Variants in UNC5D observed in about 807,000 individuals in gnomAD.
The protein encoded by UNC5D is netrin receptor UNC5D.
UNC5D carries 39 observed loss-of-function variants against 105.4 expected under a neutral mutation model. The observed-to-expected ratio is 0.37, with a 90% CI of 0.29 to 0.48. UNC5D has a LOEUF of 0.48. UNC5D is among the 20% of genes least tolerant of loss of function. The pLI is 0.98. For synonymous variants in UNC5D, 452 were observed against 450.4 expected (o/e 1.00, Z -0.04); for missense variants, 991 against 1,202.4 (o/e 0.82, Z 2.60).
chr8:35,360,265 T>A (rs1246397647), intron 1 of UNC5D, among the ~76,000 whole-genome samples: 2 of 152,184 alleles, frequency 1.3e-5, no homozygotes, highest in Non-Finnish European at 2.9e-5. Context: ...TCCTTTTACA[T>A]ACAAATGTGA....
chr8:35,651,132 G>A (rs1283702434), intron 4 of UNC5D, among the ~76,000 whole-genome samples: 4 of 152,140 alleles, frequency 2.6e-5, no homozygotes. Context: ...AATAAAGACA[G>A]GCAATATTTA....
At chr8:35,735,893 G>A (rs758589531) in intron 11 of UNC5D, among the ~76,000 whole-genome samples, 2 of 152,156 alleles carry the variant, frequency 1.3e-5, no homozygotes, top group African/African-American at 2.4e-5. Flanking sequence ...ATCTCCAAAA[G>A]AGTAAAAAGA....
At chr8:35,236,001 G>T (rs1197138281) in intron 1 of UNC5D, 114 bp downstream of exon 1, 2 of 954,800 alleles carry the variant, frequency 2.1e-6, no homozygotes, top group East Asian at 3.4e-5. Flanking sequence ...GCACCTCGGC[G>T]CTCCAAGCCC....
chr8:35,242,809 A>G (rs77264449), intron 1 of UNC5D, among the ~76,000 whole-genome samples: 1 of 152,154 alleles, frequency 6.6e-6, no homozygotes, highest in Non-Finnish European at 1.5e-5. Flanking sequence ...TTTACTCAAT[A>G]TTGGAGAAGA....
At chr8:35,738,141 A>G (rs1829570100) in intron 11 of UNC5D, among the ~76,000 whole-genome samples, 1 of 152,124 alleles carries the variant, frequency 6.6e-6, no homozygotes, top group Non-Finnish European at 1.5e-5. Context: ...CTCAGAAATG[A>G]CATAGCATGG....
intron 1 of UNC5D, 24 bp downstream of exon 1, chr8:35,235,911 G>T (rs1802423381): frequency 1.1e-5 from 13 of 1,226,646 alleles, no homozygotes; most frequent in Non-Finnish European, 1.3e-5. Context: ...GGAGCGGGCA[G>T]CTGGGGGCGA....
intron 1 of UNC5D, among the ~76,000 whole-genome samples, chr8:35,365,107 G>A (rs1431323542): frequency 6.6e-6 from 1 of 152,062 alleles, no homozygotes; most frequent in African/African-American, 2.4e-5. Context: ...TAGTTCTGAA[G>A]TCAGATATAC....
intron 1 of UNC5D, among the ~76,000 whole-genome samples, chr8:35,324,255 GTGA>G (rs949111068): frequency 1.4e-4 from 11 of 77,920 alleles, no homozygotes; most frequent in African/African-American, 3.3e-4. Flanking sequence ...AAAAAAAAAA[GTGA>G]TGAGTCATTG....
At chr8:35,685,186 CTT>C (rs768562640) in intron 6 of UNC5D, among the ~76,000 whole-genome samples, 3 of 152,160 alleles carry the variant, frequency 2.0e-5, no homozygotes, top group Non-Finnish European at 4.4e-5. Flanking sequence ...AATCAAATAA[CTT>C]TATCAGTTCT....
intron 1 of UNC5D, among the ~76,000 whole-genome samples, chr8:35,266,379 T>C (rs1804872852): frequency 6.6e-6 from 1 of 152,186 alleles, no homozygotes; most frequent in Non-Finnish European, 1.5e-5. Flanking sequence ...TTGAACCATA[T>C]ATAGTAAATA....
At chr8:35,687,448 A>G (rs1826090708) in intron 7 of UNC5D, among the ~76,000 whole-genome samples, 1 of 151,476 alleles carries the variant, frequency 6.6e-6, no homozygotes, top group South Asian at 2.1e-4. Context: ...TCTCAAAAAA[A>G]AAAAAAAAAA....
intron 11 of UNC5D, among the ~76,000 whole-genome samples, chr8:35,736,611 A>G (rs754215202): frequency 9.9e-5 from 15 of 152,218 alleles, no homozygotes; most frequent in Non-Finnish European, 2.2e-4. Context: ...GAATGATCAT[A>G]TTGCAGTGTG....
chr8:35,689,184 G>T (rs1826226484), intron 7 of UNC5D, among the ~76,000 whole-genome samples: 1 of 152,192 alleles, frequency 6.6e-6, no homozygotes, highest in Non-Finnish European at 1.5e-5. Context: ...AATCTTAATT[G>T]ACTAAGACTT....
chr8:35,351,672 T>G (rs1812248423), intron 1 of UNC5D, among the ~76,000 whole-genome samples: 1 of 152,092 alleles, frequency 6.6e-6, no homozygotes, highest in African/African-American at 2.4e-5. Context: ...AAAGAAATTT[T>G]CTAATTTCAC....
intron 2 of UNC5D, among the ~76,000 whole-genome samples, chr8:35,554,896 T>C (rs1816429068): frequency 6.6e-6 from 1 of 152,154 alleles, no homozygotes; most frequent in East Asian, 1.9e-4. Context: ...ATTTCCTTTT[T>C]AAACAACTGG....
chr8:35,235,893 C>A lies in UNC5D; in HGVS notation c.103+6C>A. The A allele has an allele frequency of 8.2e-7, 1 of 1,218,948 alleles. No individual in the cohort carries two copies. The highest frequency in any genetic ancestry group is 1.0e-6 in the Non-Finnish European group (1 of 983,152). 75.5% of individuals were successfully genotyped at this position (1,218,948 alleles called of 1,614,324 possible). On this transcript the variant is annotated splice_donor_region_variant and intron_variant, in intron 1 of 16. Coordinates refer to ENST00000404895, the MANE Select transcript of UNC5D (RefSeq NM_080872.4). Reference sequence around the variant, plus strand: ...AGGGACCGCGGCTGCCCGAGGTAAGCGCTGGGCGGAGCGGGCAGCTGGGGG... The same window carrying A: ...AGGGACCGCGGCTGCCCGAGGTAAGAGCTGGGCGGAGCGGGCAGCTGGGGG...
chr8:35,379,822 A>G (rs1189615916), intron 1 of UNC5D, among the ~76,000 whole-genome samples: 1 of 152,146 alleles, frequency 6.6e-6, no homozygotes, highest in Non-Finnish European at 1.5e-5. Context: ...CTTTCCTAGT[A>G]GCCTAAACAA....
chr8:35,347,493 G>A lies in UNC5D; in HGVS notation c.103+111606G>A, dbSNP rs1811889887. 3.3e-5 allele frequency among the ~76,000 whole-genome samples: 5 copies of A among 151,998 alleles called. No individual in the cohort carries two copies. In the South Asian group the frequency reaches 1.0e-3, roughly 32 times the overall value. On this transcript the variant is annotated intron_variant, in intron 1 of 16. Transcript: ENST00000404895. The stretch of plus-strand genomic sequence containing the variant: ...TGGGATGAGATGAGAGTTCCCCTCG[G>A]AATATCAATATAAAGATTTTGTTAA...
At chr8:35,335,209 C>T (rs1395838694) in intron 1 of UNC5D, among the ~76,000 whole-genome samples, 4 of 152,120 alleles carry the variant, frequency 2.6e-5, no homozygotes, top group Non-Finnish European at 5.9e-5. Context: ...ATTGTTTCCA[C>T]CTTTCTGACT....
Sources: gnomAD v4.1 joint callset for allele counts (sites outside exome capture counted in the v4.1 genomes callset) on GRCh38, gnomAD v4.1.1 for gene constraint, MANE v1.5 for transcripts, NCBI Gene and HGNC (gene_info 2026-07-23, HGNC 2026-07-21) for gene names.